The following GALNTL6 variants were observed in gnomAD, a reference collection of about 807,000 sequenced individuals.
GALNTL6 encodes the protein polypeptide N-acetylgalactosaminyltransferase-like 6.
A neutral mutation model predicts 73.7 loss-of-function variants in GALNTL6; 46 were observed. That is an observed-to-expected ratio of 0.62 (90% CI 0.49 to 0.80). GALNTL6 has a LOEUF of 0.80. GALNTL6 is among the 30% of genes least tolerant of loss of function. The pLI is 0.00. For synonymous variants in GALNTL6, 259 were observed against 263.7 expected, an observed-to-expected ratio of 0.98 and a Z score of 0.17; for missense variants, 604 against 755.0, an observed-to-expected ratio of 0.80 and a Z score of 2.34.
Position 172,509,199 on chromosome 4 carries a change from G to C in GALNTL6, c.553+160510G>C. 3.8e-5 allele frequency among the ~76,000 whole-genome samples: 2 copies of C among 53,084 alleles called. 1 individual carries two copies. Among genetic ancestry groups the C allele is most frequent in the Non-Finnish European group, 8.6e-5 (2 of 23,324 alleles). The allele number at this position is 53,084 out of a possible 152,430, so 34.8% of individuals were successfully genotyped here. A position where few individuals can be genotyped will look rare whatever the true frequency, so the allele number is the denominator to read the frequency against. ...TTGATTTGCATTTCCCTCATAATTA[G>C]TGATATTGAGCATTTTTTAATATGT... On this transcript the variant is annotated intron_variant, in intron 5 of 12. Coordinates refer to ENST00000506823, the MANE Select transcript of GALNTL6 (RefSeq NM_001034845.3).
chr4:172,661,877 A>C (rs837200), intron 5 of GALNTL6, among the ~76,000 whole-genome samples: 52 of 152,312 alleles, frequency 3.4e-4, no homozygotes, highest in African/African-American at 1.2e-3. Flanking sequence ...ATGACAGCAA[A>C]ACAGTCCCTG....
chr4:172,975,005 A>G (rs1476215963), intron 10 of GALNTL6, among the ~76,000 whole-genome samples: 3 of 152,162 alleles, frequency 2.0e-5, no homozygotes, highest in Non-Finnish European at 2.9e-5. Context: ...GGGATCCCCA[A>G]AGGACTGCAG....
At chr4:172,675,328 T>C (rs1732223262) in intron 5 of GALNTL6, among the ~76,000 whole-genome samples, 1 of 152,178 alleles carries the variant, frequency 6.6e-6, no homozygotes, top group African/African-American at 2.4e-5. Context: ...CTCCCCAAGG[T>C]TTGGAATCCA....
At chr4:172,732,661 T>C (rs752048943) in intron 5 of GALNTL6, among the ~76,000 whole-genome samples, 20 of 152,240 alleles carry the variant, frequency 1.3e-4, no homozygotes, top group Non-Finnish European at 2.6e-4. Flanking sequence ...TAGTATGTTT[T>C]AATTTATTGC....
chr4:172,427,071 A>T (rs928102791), intron 5 of GALNTL6, among the ~76,000 whole-genome samples: 4 of 152,198 alleles, frequency 2.6e-5, no homozygotes, highest in African/African-American at 7.2e-5. Flanking sequence ...AGTTTGAGAT[A>T]AGTCATTCAA....
At chr4:172,401,561 A>G (rs1409416421) in intron 5 of GALNTL6, among the ~76,000 whole-genome samples, 2 of 152,062 alleles carry the variant, frequency 1.3e-5, no homozygotes, top group East Asian at 3.9e-4. Flanking sequence ...AATATAGTTC[A>G]TTTCTCATTT....
chr4:172,418,864 A>G (rs1730944373), intron 5 of GALNTL6, among the ~76,000 whole-genome samples: 1 of 152,154 alleles, frequency 6.6e-6, no homozygotes. Context: ...ATTTTTATTT[A>G]AAGGTGATTG....
At chr4:172,545,287 T>C (rs1735705435) in intron 5 of GALNTL6, among the ~76,000 whole-genome samples, 1 of 152,198 alleles carries the variant, frequency 6.6e-6, no homozygotes, top group Non-Finnish European at 1.5e-5. Context: ...CTTATTTCTC[T>C]ACTTTATAAT....
intron 4 of GALNTL6, among the ~76,000 whole-genome samples, chr4:172,321,698 C>G (rs1290160088): frequency 6.6e-6 from 1 of 152,128 alleles, no homozygotes; most frequent in Non-Finnish European, 1.5e-5. Context: ...TTTTGAGTGG[C>G]TTAAGAGAAG....
intron 5 of GALNTL6, among the ~76,000 whole-genome samples, chr4:172,602,728 C>T (rs1362020257): frequency 2.0e-5 from 3 of 152,144 alleles, no homozygotes; most frequent in Admixed American, 6.6e-5. Context: ...ATTAAACTTA[C>T]AGGTATTTAC....
At chr4:172,363,863 T>C (rs1311323935) in intron 5 of GALNTL6, among the ~76,000 whole-genome samples, 1 of 152,142 alleles carries the variant, frequency 6.6e-6, no homozygotes, top group Non-Finnish European at 1.5e-5. Flanking sequence ...GTTCCTTTAA[T>C]TAATTAAAGT....
intron 7 of GALNTL6, among the ~76,000 whole-genome samples, chr4:172,854,508 T>A (rs574640813): frequency 6.6e-6 from 1 of 152,176 alleles, no homozygotes; most frequent in East Asian, 1.9e-4. Context: ...AGAATATACA[T>A]CATTATACAT....
intron 2 of GALNTL6, among the ~76,000 whole-genome samples, chr4:172,080,108 A>T (rs966747785): frequency 2.0e-5 from 3 of 152,226 alleles, no homozygotes; most frequent in Non-Finnish European, 4.4e-5. Context: ...CAGTGCTAAC[A>T]TAATTTCTCA....
intron 5 of GALNTL6, among the ~76,000 whole-genome samples, chr4:172,619,770 T>A (rs2111068562): frequency 6.6e-6 from 1 of 152,326 alleles, no homozygotes; most frequent in East Asian, 1.9e-4. Context: ...TCAGATAACA[T>A]AACAATATCC....
chr4:172,205,168 G>T (rs1271085504), intron 2 of GALNTL6, among the ~76,000 whole-genome samples: 1 of 152,050 alleles, frequency 6.6e-6, no homozygotes, highest in Non-Finnish European at 1.5e-5. Context: ...ATTCATCTTT[G>T]CGCCTTTGGT....
chr4:172,015,989 T>G (rs1437567990), intron 2 of GALNTL6, among the ~76,000 whole-genome samples: 1 of 137,886 alleles, frequency 7.3e-6, no homozygotes, highest in Non-Finnish European at 1.6e-5. Flanking sequence ...CTCACAGCTC[T>G]TAAGATTCTT....
chr4:172,927,353 G>C (rs151030649), intron 8 of GALNTL6, among the ~76,000 whole-genome samples: 1 of 152,110 alleles, frequency 6.6e-6, no homozygotes, highest in Non-Finnish European at 1.5e-5. Context: ...TCTGTATCCC[G>C]TACAATAGAA....
intron 3 of GALNTL6, among the ~76,000 whole-genome samples, chr4:172,267,388 A>G (rs1349331179): frequency 6.6e-6 from 1 of 152,166 alleles, no homozygotes; most frequent in African/African-American, 2.4e-5. Flanking sequence ...CAGAGTTTGT[A>G]GAGGAAATAG....
chr4:172,514,408 A>T (rs1734530164), intron 5 of GALNTL6, among the ~76,000 whole-genome samples: 1 of 152,166 alleles, frequency 6.6e-6, no homozygotes, highest in East Asian at 1.9e-4. Context: ...CCATACAGCC[A>T]GAAAGGCCAG....
Sources: gnomAD v4.1 joint callset for allele counts (sites outside exome capture counted in the v4.1 genomes callset) on GRCh38, gnomAD v4.1.1 for gene constraint, MANE v1.5 for transcripts, NCBI Gene and HGNC (gene_info 2026-07-23, HGNC 2026-07-21) for gene names.